The following AFF1 variants were observed in gnomAD, a reference collection of about 807,000 sequenced individuals.
The protein encoded by AFF1 is ALF transcription elongation factor 1.
Under a neutral mutation model 121.7 loss-of-function variants are expected in AFF1, and 48 were observed. The observed-to-expected ratio is 0.39, with a 90% CI of 0.31 to 0.50. The LOEUF is 0.50. Among genes scored for constraint, AFF1 ranks in the 20% least tolerant of loss-of-function variants. AFF1 has a pLI of 0.76. For synonymous variants in AFF1, 613 were observed against 563.0 expected (o/e 1.09, Z -1.26); for missense variants, 1,523 against 1,511.7 (o/e 1.01, Z -0.12).
chr4:86,963,033 G>C, intron 2 of AFF1, among the ~76,000 whole-genome samples: 1 of 151,838 alleles, frequency 6.6e-6, no homozygotes, highest in East Asian at 1.9e-4. Flanking sequence ...AGGCGTGCTG[G>C]CATGCACCTG....
At chr4:87,031,570 C>T (rs1329482872) in intron 2 of AFF1, among the ~76,000 whole-genome samples, 1 of 151,868 alleles carries the variant, frequency 6.6e-6, no homozygotes, top group Non-Finnish European at 1.5e-5. Flanking sequence ...AGGGGCTTTT[C>T]TGTTCTCATT....
At position 87,108,404 on chromosome 4, in the gene AFF1, A is replaced by G. The variant is rs1010023579; in HGVS notation, c.1533+89A>G. The G allele has an allele frequency of 2.8e-6, 4 of 1,412,530 alleles. No individual in the cohort carries two copies. In the African/African-American group the frequency reaches 4.2e-5, roughly 15 times the overall value. The allele number at this position is 1,412,530 out of a possible 1,614,324, so 87.5% of individuals were successfully genotyped here. Reference sequence around the variant, plus strand: ...TCAGTGCTGTGGGCCAGGACTGACCATGAGACTGAGTCATTCTGTCCCATG... The same window carrying G: ...TCAGTGCTGTGGGCCAGGACTGACCGTGAGACTGAGTCATTCTGTCCCATG... On this transcript the variant is annotated intron_variant, in intron 11 of 20. Coordinates refer to ENST00000395146, the MANE Select transcript of AFF1 (RefSeq NM_001166693.3).
chr4:86,993,876 A>G (rs1724913997), intron 2 of AFF1, among the ~76,000 whole-genome samples: 1 of 152,208 alleles, frequency 6.6e-6, no homozygotes, highest in African/African-American at 2.4e-5. Context: ...AGGCAGGAGA[A>G]TCATGTGAAC....
intron 2 of AFF1, among the ~76,000 whole-genome samples, chr4:86,973,011 G>A (rs1306892127): frequency 1.3e-5 from 2 of 152,172 alleles, no homozygotes; most frequent in Non-Finnish European, 1.5e-5. Context: ...AACAAGAAAA[G>A]GAAAGGGAGA....
chr4:87,007,052 C>T (rs340638), intron 2 of AFF1: 876,918 of 1,179,678 alleles, frequency 0.74, 333,283 homozygotes, highest in South Asian at 0.82. Flanking sequence ...CGTTGGGCGC[C>T]GGCGGTCTTC....
chr4:87,105,599 A>G, intron 8 of AFF1, 29 bp from the exon 9 acceptor site: 2 of 1,613,650 alleles, frequency 1.2e-6, no homozygotes, highest in Non-Finnish European at 1.7e-6. Context: ...TTTCACATTC[A>G]TTCTTCTCTG....
At position 87,095,389 on chromosome 4, in the gene AFF1, G is replaced by C. The variant is rs541426664; in HGVS notation, c.1283+420G>C. Among the ~76,000 whole-genome samples the C allele has an allele frequency of 9.2e-5, 14 of 152,326 alleles. No homozygotes were observed. The East Asian group carries it at 2.7e-3, about 29-fold the overall frequency. On this transcript the variant is annotated intron_variant, in intron 8 of 20. Coordinates refer to ENST00000395146, the MANE Select transcript of AFF1 (RefSeq NM_001166693.3). ...CTGCCTCAGCCTCCCAAAGTGTTGG[G>C]ATTACAGGCGTAAGCCACTGCACCT...
chr4:86,981,527 C>G lies in AFF1; in HGVS notation c.38+32956C>G, dbSNP rs180751144. Among the ~76,000 whole-genome samples the G allele has an allele frequency of 9.2e-5, 14 of 152,112 alleles. 1 individual carries two copies. The highest frequency in any genetic ancestry group is 7.9e-4 in the Admixed American group (12 of 15,252). ...GCGATTCCAGGCACCCACCACCATGCCCAGCTAATTTTTGTATTTTTAGTA... is the reference window on the plus strand; with the variant it reads ...GCGATTCCAGGCACCCACCACCATGGCCAGCTAATTTTTGTATTTTTAGTA... On this transcript the variant is annotated intron_variant, in intron 2 of 20. Coordinates refer to ENST00000395146, the MANE Select transcript of AFF1 (RefSeq NM_001166693.3).
rs74676293 is a variant in AFF1, at chr4:86,948,435, A to C, written c.-36-63A>C. ...TCTCCAATAAAGCTTCTTACAGGTC[A>C]TGCGTATCCCTGAATTTACTCACAG... On this transcript the variant is annotated intron_variant, in intron 1 of 20. Coordinates refer to ENST00000395146, the MANE Select transcript of AFF1 (RefSeq NM_001166693.3). 4,747 of 1,109,914 alleles carry C rather than the reference A, an allele frequency of 4.3e-3. 150 individuals carry two copies. The African/African-American group carries it at 0.066, about 15-fold the overall frequency. 68.8% of individuals were successfully genotyped at this position (1,109,914 alleles called of 1,614,324 possible). A position where few individuals can be genotyped will look rare whatever the true frequency, so the allele number is the denominator to read the frequency against.
At chr4:87,061,798 A>G (rs1289754076) in intron 4 of AFF1, among the ~76,000 whole-genome samples, 2 of 152,196 alleles carry the variant, frequency 1.3e-5, no homozygotes, top group Admixed American at 6.5e-5. Flanking sequence ...GAATCCAGAC[A>G]TGCAAAAGAC....
chr4:87,083,766 T>C (rs1050862422), intron 4 of AFF1, among the ~76,000 whole-genome samples: 1 of 152,224 alleles, frequency 6.6e-6, no homozygotes, highest in African/African-American at 2.4e-5. Flanking sequence ...TCTGGTCTTA[T>C]TTCATCCAAA....
At chr4:86,970,981 T>C (rs1218005711) in intron 2 of AFF1, among the ~76,000 whole-genome samples, 1 of 152,122 alleles carries the variant, frequency 6.6e-6, no homozygotes, top group Admixed American at 6.6e-5. Flanking sequence ...GGAAAGTTGT[T>C]GGAGTGAGAG....
Position 86,980,514 on chromosome 4 carries a change from A to G in AFF1, c.38+31943A>G, listed in dbSNP as rs192642766. 1.7e-4 allele frequency among the ~76,000 whole-genome samples: 26 copies of G among 152,280 alleles called. No individual in the cohort carries two copies. In the East Asian group the frequency reaches 5.0e-3, roughly 29 times the overall value. On this transcript the variant is annotated intron_variant, in intron 2 of 20. Coordinates refer to ENST00000395146, the MANE Select transcript of AFF1 (RefSeq NM_001166693.3). ...TCTAAGAAAATAAAAAAGGAAACCC[A>G]TTTGGGATTTCAACACACTAGAGTA...
At chr4:87,069,389 A>G (rs994829876) in intron 4 of AFF1, among the ~76,000 whole-genome samples, 5 of 121,972 alleles carry the variant, frequency 4.1e-5, no homozygotes, top group African/African-American at 1.6e-4. Context: ...TTCTGTCCCC[A>G]TCTCCTCTCT....
At chr4:87,011,273 G>GT (rs764570051) in intron 2 of AFF1, among the ~76,000 whole-genome samples, 6 of 152,048 alleles carry the variant, frequency 3.9e-5, no homozygotes, top group Non-Finnish European at 7.4e-5. Context: ...CAGTAGGAAA[G>GT]TATGTTCAGT....
At chr4:87,052,650 G>GT (rs1295168890) in intron 4 of AFF1, among the ~76,000 whole-genome samples, 12 of 151,694 alleles carry the variant, frequency 7.9e-5, no homozygotes, top group Non-Finnish European at 1.8e-4. Flanking sequence ...TTAAAAAACT[G>GT]TAACTCTGGC....
chr4:86,971,385 T>A (rs1429194897), intron 2 of AFF1, among the ~76,000 whole-genome samples: 1 of 152,188 alleles, frequency 6.6e-6, no homozygotes, highest in Non-Finnish European at 1.5e-5. Flanking sequence ...TGCCTCTGAT[T>A]TATGATATTT....
At chr4:87,020,668 T>C (rs1727808597) in intron 2 of AFF1, 1 of 387,624 alleles carries the variant, frequency 2.6e-6, no homozygotes, top group South Asian at 1.1e-4. Context: ...GTATTTTTAG[T>C]GGAGACAGGG....
rs193071144 is a variant in AFF1 at position 86,975,112 on chromosome 4, A to G, written c.38+26541A>G. ...TTCCTACTTCTCTCTTGTGCACCCT[A>G]TAATACAACCTCAGTTTTTGCTCCT... On this transcript the variant is annotated intron_variant, in intron 2 of 20. Coordinates refer to ENST00000395146, the MANE Select transcript of AFF1 (RefSeq NM_001166693.3). Among the ~76,000 whole-genome samples the G allele has an allele frequency of 2.6e-5, 4 of 152,154 alleles. No homozygotes were observed. In the East Asian group the frequency reaches 7.7e-4, roughly 29 times the overall value.
Sources: gnomAD v4.1 joint callset for allele counts (sites outside exome capture counted in the v4.1 genomes callset) on GRCh38, gnomAD v4.1.1 for gene constraint, MANE v1.5 for transcripts, NCBI Gene and HGNC (gene_info 2026-07-23, HGNC 2026-07-21) for gene names.